The following PRKCE variants were observed in gnomAD, a reference collection of about 807,000 sequenced individuals.
The protein encoded by PRKCE is protein kinase C epsilon type.
PRKCE carries 16 observed loss-of-function variants against 85.4 expected under a neutral mutation model. The ratio of observed to expected loss-of-function variants is 0.19; its 90% confidence interval spans 0.13 to 0.28. The LOEUF is 0.28. Ranked by LOEUF, PRKCE falls within the 10% of genes least tolerant of loss-of-function variation. The pLI is 1.00. For missense variants in PRKCE, 573 were observed against 975.2 expected (o/e 0.59, Z 5.49); for synonymous variants, 388 against 371.5 (o/e 1.04, Z -0.51).
chr2:46,115,055 A>G (rs372038816), intron 11 of PRKCE, among the ~76,000 whole-genome samples: 44 of 152,330 alleles, frequency 2.9e-4, no homozygotes, highest in Admixed American at 7.2e-4. Flanking sequence ...GTGGCCCTCC[A>G]CATGAATCAG....
In PRKCE at chr2:45,969,190, A is replaced by T. The variant is rs1468160029; in HGVS notation, c.413-7239A>T. Among the ~76,000 whole-genome samples, 3 of 151,804 alleles carry T rather than the reference A, an allele frequency of 2.0e-5. No homozygotes were observed. The South Asian group carries it at 6.3e-4, about 32-fold the overall frequency. On this transcript the variant is annotated intron_variant, in intron 2 of 14. Transcript: ENST00000306156. Reference sequence around the variant, plus strand: ...TCAGAGGACGTCTCTGCTTCGCCTTATTTATGCCTTTGTGAATTCTTGTTA... The same window carrying T: ...TCAGAGGACGTCTCTGCTTCGCCTTTTTTATGCCTTTGTGAATTCTTGTTA...
intron 1 of PRKCE, among the ~76,000 whole-genome samples, chr2:45,691,411 G>A (rs548968946): frequency 1.3e-5 from 2 of 152,300 alleles, no homozygotes; most frequent in East Asian, 3.9e-4. Flanking sequence ...CGCAGGCTCA[G>A]GGAGTGTTTC....
Position 45,892,323 on chromosome 2 carries a change from C to A in PRKCE, c.412+49260C>A, listed in dbSNP as rs78172581. Among the ~76,000 whole-genome samples, 986 of 152,272 alleles carry A rather than the reference C, an allele frequency of 6.5e-3. 3 individuals are homozygous for A. The highest frequency in any genetic ancestry group is 9.6e-3 in the Non-Finnish European group (652 of 68,030). On this transcript the variant is annotated intron_variant, in intron 2 of 14. Transcript: ENST00000306156. ...ATGGATGAAGCCACTGGACAGCATTCAGCTGTTCTTTGTATTTCTCTTATT... is the reference window on the plus strand; with the variant it reads ...ATGGATGAAGCCACTGGACAGCATTAAGCTGTTCTTTGTATTTCTCTTATT...
At chr2:45,824,497 T>C (rs567825269) in intron 1 of PRKCE, among the ~76,000 whole-genome samples, 6 of 152,290 alleles carry the variant, frequency 3.9e-5, no homozygotes, top group African/African-American at 1.2e-4. Flanking sequence ...CCTTCCCCAA[T>C]TGAGCTCTTC....
At chr2:46,151,402 G>T (rs1169073241) in intron 13 of PRKCE, among the ~76,000 whole-genome samples, 173 bp downstream of exon 13, 1 of 152,114 alleles carries the variant, frequency 6.6e-6, no homozygotes, top group Non-Finnish European at 1.5e-5. Flanking sequence ...ATTAAGGGCA[G>T]TTGCCACTGG....
intron 2 of PRKCE, among the ~76,000 whole-genome samples, chr2:45,958,521 A>G (rs558891026): frequency 1.2e-4 from 18 of 149,844 alleles, no homozygotes; most frequent in Admixed American, 4.6e-4. Flanking sequence ...AAAAAAAAAA[A>G]AAAGAAAGAA....
chr2:45,796,644 T>C (rs1305845205), intron 1 of PRKCE, among the ~76,000 whole-genome samples: 1 of 152,122 alleles, frequency 6.6e-6, no homozygotes, highest in East Asian at 1.9e-4. Flanking sequence ...ACTGGGTACC[T>C]GGGGGGATGA....
intron 1 of PRKCE, among the ~76,000 whole-genome samples, chr2:45,746,204 C>T (rs1200677360): frequency 6.6e-6 from 1 of 151,912 alleles, no homozygotes; most frequent in Non-Finnish European, 1.5e-5. Context: ...AGTCCCATAC[C>T]TTTAAATGAT....
At chr2:45,869,947 C>T (rs563289516) in intron 2 of PRKCE, among the ~76,000 whole-genome samples, 1 of 152,232 alleles carries the variant, frequency 6.6e-6, no homozygotes, top group African/African-American at 2.4e-5. Flanking sequence ...ACCTCCTGGT[C>T]TGTCCACCTC....
intron 1 of PRKCE, among the ~76,000 whole-genome samples, chr2:45,794,845 A>AACCCCCCC (rs1687296127): frequency 8.2e-6 from 1 of 122,570 alleles, no homozygotes; most frequent in East Asian, 2.6e-4. Flanking sequence ...TTATTGCCCT[A>AACCCCCCC]CCCCCCCCCC....
chr2:45,776,854 T>C (rs4953254), intron 1 of PRKCE, among the ~76,000 whole-genome samples: 128,302 of 152,180 alleles, frequency 0.84, 54,483 homozygotes, highest in East Asian at 0.97. Context: ...CAAACTCATT[T>C]GAAGAGTCCA....
At chr2:45,925,654 A>G (rs1471509472) in intron 2 of PRKCE, among the ~76,000 whole-genome samples, 1 of 152,228 alleles carries the variant, frequency 6.6e-6, no homozygotes, top group South Asian at 2.1e-4. Context: ...TGTACCTAGG[A>G]TACATCCATC....
intron 11 of PRKCE, among the ~76,000 whole-genome samples, chr2:46,118,210 G>A (rs1672963168): frequency 2.0e-5 from 3 of 152,212 alleles, no homozygotes; most frequent in Admixed American, 2.0e-4. Context: ...TGTTTAGAAT[G>A]ACGACATCAT....
At chr2:46,141,306 C>G (rs1361621569) in intron 11 of PRKCE, among the ~76,000 whole-genome samples, 1 of 151,894 alleles carries the variant, frequency 6.6e-6, no homozygotes, top group Non-Finnish European at 1.5e-5. Flanking sequence ...TCTTTAAGTG[C>G]CAAGACAGAA....
At chr2:45,818,637 G>A (rs973541230) in intron 1 of PRKCE, among the ~76,000 whole-genome samples, 1 of 152,166 alleles carries the variant, frequency 6.6e-6, no homozygotes, top group Non-Finnish European at 1.5e-5. Flanking sequence ...CCAGCCCTTT[G>A]AGCTGGCAGT....
At chr2:45,943,486 T>G (rs977936998) in intron 2 of PRKCE, among the ~76,000 whole-genome samples, 1 of 152,250 alleles carries the variant, frequency 6.6e-6, no homozygotes, top group Admixed American at 6.5e-5. Flanking sequence ...GGACTTGATC[T>G]TGCAGGTTAG....
intron 1 of PRKCE, among the ~76,000 whole-genome samples, chr2:45,670,489 C>G (rs932675841): frequency 1.3e-5 from 2 of 151,970 alleles, no homozygotes; most frequent in African/African-American, 4.8e-5. Context: ...TAAATATTGC[C>G]TTATAAAACT....
At chr2:45,770,909 G>A (rs1352654150) in intron 1 of PRKCE, 2 of 151,570 alleles carry the variant, frequency 1.3e-5, no homozygotes. Context: ...AGTCATTAAG[G>A]AATTATTGAG....
In PRKCE at chr2:45,952,270, G is replaced by T. The variant is rs538802120; in HGVS notation, c.413-24159G>T. ...CAACTAGGTGGTGGTCGGCAAAAGA[G>T]CCCAGGCCCCAAAGTTATAATGATA... On this transcript the variant is annotated intron_variant, in intron 2 of 14. Coordinates refer to ENST00000306156, the MANE Select transcript of PRKCE (RefSeq NM_005400.3). Among the ~76,000 whole-genome samples the T allele has an allele frequency of 7.2e-5, 11 of 152,172 alleles. No individual in the cohort carries two copies. In the East Asian group the frequency reaches 2.1e-3, roughly 29 times the overall value.
Sources: allele counts gnomAD v4.1 joint callset (sites outside exome capture counted in the v4.1 genomes callset), GRCh38; gene constraint gnomAD v4.1.1; transcripts MANE v1.5; gene names NCBI Gene and HGNC (gene_info 2026-07-23, HGNC 2026-07-21).